The following MEA1 variants were observed in gnomAD, a reference collection of about 807,000 sequenced individuals.
MEA1 encodes the protein Male-enhanced antigen (H-Y structural gene).
Under a neutral mutation model 21.4 loss-of-function variants are expected in MEA1, and 22 were observed. The ratio of observed to expected loss-of-function variants is 1.03; its 90% CI spans 0.73 to 1.47. MEA1 has a LOEUF of 1.47. Ranked by LOEUF, MEA1 falls within the 40% of genes most tolerant of loss-of-function variation. MEA1 has a pLI of 0.00. For missense variants in MEA1, 233 were observed against 230.5 expected, an observed-to-expected ratio of 1.01 and a Z score of -0.07; for synonymous variants, 91 against 85.5, an observed-to-expected ratio of 1.06 and a Z score of -0.35.
At chr6:43,013,680 G>T in intron 1 of MEA1, 106 bp downstream of exon 1, 1 of 1,213,144 alleles carries the variant, frequency 8.2e-7, no homozygotes, top group Non-Finnish European at 1.2e-6. Flanking sequence ...CCGGCTCCCC[G>T]CGCCACGCCT....
At chr6:43,013,699 A>C in intron 1 of MEA1, 87 bp downstream of exon 1, 1 of 1,351,056 alleles carries the variant, frequency 7.4e-7, no homozygotes, top group Non-Finnish European at 1.0e-6. Flanking sequence ...CTCCCCCGCG[A>C]CTTGGGAACT....
chr6:43,015,927 T>C (rs905346914), upstream of MEA1, among the ~76,000 whole-genome samples: 1 of 151,904 alleles, frequency 6.6e-6, no homozygotes, highest in African/African-American at 2.4e-5. Flanking sequence ...GGGCATTTTT[T>C]GCCTCCCTTC....
chr6:43,016,192 CAG>C (rs946989377), upstream of MEA1, among the ~76,000 whole-genome samples: 92 of 152,242 alleles, frequency 6.0e-4, no homozygotes, highest in African/African-American at 1.9e-3. Context: ...CTCGGCCTCT[CAG>C]GGTGCTGGGA....
upstream of MEA1, chr6:43,014,257 CGTT>C: frequency 1.0e-6 from 1 of 964,980 alleles, no homozygotes; most frequent in Non-Finnish European, 1.5e-6. Flanking sequence ...GTGTTTATCT[CGTT>C]GGGGACTAAG....
rs754242311 is a variant in MEA1, at chr6:43,013,033, A to G, written c.304-5T>C. On this transcript the variant is annotated splice_region_variant and splice_polypyrimidine_tract_variant and intron_variant, in intron 2 of 3. Transcript: ENST00000244711. ...TGGCAAATGAAGCCCCAGGGCCTGC[A>G]GAGCCACAGAAGACCGTTTGGGTCT... 5 of 1,614,086 alleles carry G rather than the reference A, an allele frequency of 3.1e-6. No individual in the cohort carries two copies. The East Asian group carries it at 6.7e-5, about 22-fold the overall frequency.
At chr6:43,014,116 C>T (rs1762494304), upstream of MEA1, 1 of 1,415,712 alleles carries the variant, frequency 7.1e-7, no homozygotes, top group Non-Finnish European at 9.2e-7. Context: ...ATCTCTCCTA[C>T]GCCCCTGCCC....
At chr6:43,014,331 C>T, upstream of MEA1, 2 of 620,048 alleles carry the variant, frequency 3.2e-6, no homozygotes, top group Non-Finnish European at 5.7e-6. Flanking sequence ...GCGGCCCCGC[C>T]CCGGCTCGGC....
chr6:43,013,465 T>C (rs1762450968), intron 1 of MEA1, 76 bp from the exon 2 acceptor site: 2 of 1,510,024 alleles, frequency 1.3e-6, no homozygotes, highest in African/African-American at 1.4e-5. Flanking sequence ...CATCTCCTTG[T>C]AGTCTCCTGC....
At position 43,013,767 on chromosome 6, in the gene MEA1, T is replaced by C; in HGVS notation, c.28+19A>G. The C allele has an allele frequency of 1.4e-6, 2 of 1,437,394 alleles. No individual in the cohort carries two copies. The highest frequency in any genetic ancestry group is 2.5e-5 in the East Asian group (1 of 39,916). 89.0% of individuals were successfully genotyped at this position (1,437,394 alleles called of 1,614,324 possible). On this transcript the variant is annotated intron_variant, in intron 1 of 3. Coordinates refer to ENST00000244711, the MANE Select transcript of MEA1 (RefSeq NM_014623.4). ...GTACCCGCCCCCTTCTCCCCTCTCC[T>C]AGAGGACCCCCTCTGTACCGCCTGA...
At chr6:43,013,541 C>G (rs1422509637) in intron 1 of MEA1, 152 bp from the exon 2 acceptor site, 21 of 905,232 alleles carry the variant, frequency 2.3e-5, no homozygotes, top group Non-Finnish European at 3.5e-5. Flanking sequence ...ATTCCAGCCT[C>G]TCGTTCCTCC....
At chr6:43,013,683 C>G (rs1391809130) in intron 1 of MEA1, 103 bp downstream of exon 1, 1 of 1,259,228 alleles carries the variant, frequency 7.9e-7, no homozygotes, top group Non-Finnish European at 1.1e-6. Flanking sequence ...GCTCCCCGCG[C>G]CACGCCTCCC....
At position 43,013,261 on chromosome 6, in the gene MEA1, C is replaced by T. The variant is rs1044202298; in HGVS notation, c.157G>A (p.Glu53Lys). The change falls in exon 2 of 4, where the codon GAG becomes AAG. Residue 53 changes from glutamate (E) to lysine (K), a missense_variant. Glu to Lys is a moderately conservative substitution (Grantham distance 56). Transcript: ENST00000244711. ...SEGTGDWSSE[E>K]PEEEQEETGS... is the part of the protein sequence containing the mutation. ...GTTTCCTCCTGCTCTTCCTCAGGCTCCTCACTGCTCCAATCCCCAGTGCCT... is the reference window on the plus strand; with the variant it reads ...GTTTCCTCCTGCTCTTCCTCAGGCTTCTCACTGCTCCAATCCCCAGTGCCT... 1 of 1,614,200 alleles carries T rather than the reference C, an allele frequency of 6.2e-7. No homozygotes were observed. Among genetic ancestry groups the T allele is most frequent in the South Asian group, 1.1e-5 (1 of 91,082 alleles).
chr6:43,015,022 AT>A (rs1762528161), upstream of MEA1, among the ~76,000 whole-genome samples: 1 of 151,904 alleles, frequency 6.6e-6, no homozygotes, highest in Non-Finnish European at 1.5e-5. Flanking sequence ...AGAAACTAAA[AT>A]TTTTTTTCTC....
rs1429916106 is a variant in MEA1, at chr6:43,012,408, G to GT, written c.*61dup. Reference sequence around the variant, plus strand: ...GGAAATGGACATTACAACCAGGGATGTGTTCAGTCCTGTGCTGGTTCTGGC... The same window carrying GT: ...GGAAATGGACATTACAACCAGGGATGTTGTTCAGTCCTGTGCTGGTTCTGGC... On this transcript the variant is annotated 3_prime_UTR_variant, in exon 4 of 4. Coordinates refer to ENST00000244711, the MANE Select transcript of MEA1 (RefSeq NM_014623.4). The GT allele has an allele frequency of 1.3e-6, 2 of 1,500,396 alleles. No individual in the cohort carries two copies. Among genetic ancestry groups the GT allele is most frequent in the African/African-American group, 1.4e-5 (1 of 71,104 alleles). The allele number at this position is 1,500,396 out of a possible 1,614,324, so 92.9% of individuals were successfully genotyped here. A position where few individuals can be genotyped will look rare whatever the true frequency, so the allele number is the denominator to read the frequency against.
chr6:43,015,551 T>A (rs1272858152), upstream of MEA1, among the ~76,000 whole-genome samples: 2 of 151,982 alleles, frequency 1.3e-5, no homozygotes, highest in African/African-American at 4.8e-5. Flanking sequence ...ACAGGTTGTG[T>A]TTAAGAGACC....
chr6:43,013,165 C>T lies in MEA1; in HGVS notation c.253G>A (p.Ala85Thr), dbSNP rs776166108. 7.4e-6 allele frequency: 12 copies of T among 1,614,034 alleles called. No homozygotes were observed. Among genetic ancestry groups the T allele is most frequent in the African/African-American group, 5.3e-5 (4 of 74,938 alleles). Residue 85 changes from alanine to threonine, a missense_variant, in exon 2 of 4, where the codon GCA becomes ACA. Ala to Thr is a moderately conservative substitution (Grantham distance 58, BLOSUM62 0). Transcript: ENST00000244711. ...ACTACATCTCCATCCCCCACTGGTGCCAGTTCCACCTCCTCTTGTTCAGGA... is the reference window on the plus strand; with the variant it reads ...ACTACATCTCCATCCCCCACTGGTGTCAGTTCCACCTCCTCTTGTTCAGGA... Reference protein sequence around the residue: ...QDPEQEEVELAPVGDGDVVAD... With the variant: ...QDPEQEEVELTPVGDGDVVAD...
chr6:43,013,201 G>A lies in MEA1; in HGVS notation c.217C>T (p.Leu73=). Residue 73 remains leucine (L), a synonymous_variant, in exon 2 of 4, where the codon CTG becomes TTG. Coordinates refer to ENST00000244711, the MANE Select transcript of MEA1 (RefSeq NM_014623.4). ...TCCTCTTGTTCAGGATCTTGGTTCA[G>A]GGGCTGGTAGGAGTAGCCAGCTGGG... ...SGPAGYSYQP[L]NQDPEQEEVE... 1 of 1,614,180 alleles carries A rather than the reference G, an allele frequency of 6.2e-7. No individual in the cohort carries two copies. The highest frequency in any genetic ancestry group is 2.2e-5 in the East Asian group (1 of 44,880).
rs370851786 is a variant in MEA1, at chr6:43,012,629, C to G, written c.407-8G>C. 26 of 1,590,234 alleles carry G rather than the reference C, an allele frequency of 1.6e-5. No individual in the cohort carries two copies. Among genetic ancestry groups the G allele is most frequent in the Middle Eastern group, 3.4e-4 (2 of 5,952 alleles). On this transcript the variant is annotated splice_polypyrimidine_tract_variant and splice_region_variant and intron_variant, in intron 3 of 3. Transcript: ENST00000244711. The stretch of plus-strand genomic sequence containing the variant: ...TCACCAGCTCTACATGTTCTGAAAT[C>G]AGAGCCAGAGGCCATTCAGGCATAG...
chr6:43,012,376 G>T lies in MEA1; in HGVS notation c.*94C>A. 1 of 1,490,380 alleles carries T rather than the reference G, an allele frequency of 6.7e-7. No homozygotes were observed. The highest frequency in any genetic ancestry group is 8.9e-7 in the Non-Finnish European group (1 of 1,118,648). 92.3% of individuals were successfully genotyped at this position (1,490,380 alleles called of 1,614,324 possible). On this transcript the variant is annotated 3_prime_UTR_variant, in exon 4 of 4. Transcript: ENST00000244711. ...TGCCTTGATGTGGAAAGGGAGACGG[G>T]GAAGATGGAAATGGACATTACAACC...
Sources: gnomAD v4.1 joint callset for allele counts (sites outside exome capture counted in the v4.1 genomes callset) on GRCh38, gnomAD v4.1.1 for gene constraint, MANE v1.5 for transcripts, NCBI Gene and HGNC (gene_info 2026-07-23, HGNC 2026-07-21) for gene names.